HABP4: variants seen among roughly 807,000 people sequenced by gnomAD.
HABP4 encodes hyaluronan binding protein 4.
HABP4 carries 32 observed loss-of-function variants against 44.1 expected under a neutral mutation model. The observed-to-expected ratio is 0.73, with a 90% CI of 0.55 to 0.97. HABP4 has a LOEUF of 0.97. Ranked by LOEUF, HABP4 falls within the 50% of genes least tolerant of loss-of-function variation. HABP4 has a pLI of 0.00. For missense variants in HABP4, 503 were observed against 561.9 expected, an observed-to-expected ratio of 0.90 and a Z score of 1.06; for synonymous variants, 216 against 218.0, an observed-to-expected ratio of 0.99 and a Z score of 0.08.
Position 96,488,238 on chromosome 9 carries a change from G to C in HABP4, c.1149G>C (p.Arg383Ser), listed in dbSNP as rs1833011036. The C allele has an allele frequency of 6.2e-7, 1 of 1,613,876 alleles. No homozygotes were observed. The highest frequency in any genetic ancestry group is 8.5e-7 in the Non-Finnish European group (1 of 1,179,900). Residue 383 changes from arginine (R) to serine (S), a missense_variant, in exon 7 of 8, where the codon AGG (arginine) becomes AGC (serine). Arg to Ser is a moderately radical substitution (Grantham distance 110, BLOSUM62 -1). Around this residue, in one of 3 missense-constraint regions of HABP4, gnomAD observed 82 missense variants for 71.6 expected, o/e 1.15. Coordinates refer to ENST00000375249, the MANE Select transcript of HABP4 (RefSeq NM_014282.4). The surrounding 1 kb of genome is among the most constrained non-coding windows in gnomAD (Gnocchi z 4.6). ...CCCGGGGAGGCCGGGGAAGGATCAGGAGGGCAGAGAACTATGGACCCAGAG... is the reference window on the plus strand; with the variant it reads ...CCCGGGGAGGCCGGGGAAGGATCAGCAGGGCAGAGAACTATGGACCCAGAG... ...GGTRGGRGRI[R>S]RAENYGPRAE...
intron 1 of HABP4, among the ~76,000 whole-genome samples, chr9:96,451,745 A>G (rs957233591): frequency 6.6e-6 from 1 of 152,216 alleles, no homozygotes; most frequent in African/African-American, 2.4e-5. Context: ...ATGATTTTTA[A>G]AAAAATGTTA....
intron 5 of HABP4, among the ~76,000 whole-genome samples, chr9:96,472,457 T>TCCATTATGCCA (rs1832714314): frequency 6.6e-6 from 1 of 152,128 alleles, no homozygotes. Flanking sequence ...GTAATTATGA[T>TCCATTATGCCA]CCATTAGGTG....
intron 1 of HABP4, among the ~76,000 whole-genome samples, chr9:96,452,615 A>G (rs1160107432): frequency 1.3e-5 from 2 of 152,116 alleles, no homozygotes; most frequent in Admixed American, 1.3e-4. Flanking sequence ...AAATTTTATC[A>G]TTCAAGTTCT....
intron 2 of HABP4, 81 bp from the exon 3 acceptor site, chr9:96,465,256 A>G (rs1201398452): frequency 2.3e-6 from 2 of 860,324 alleles, no homozygotes; most frequent in African/African-American, 1.7e-5. Context: ...TACTATAACC[A>G]TGATTTTCTT....
chr9:96,466,345 G>A (rs552679510), intron 4 of HABP4, among the ~76,000 whole-genome samples: 6 of 152,164 alleles, frequency 3.9e-5, no homozygotes, highest in African/African-American at 7.2e-5. Context: ...TCTCCAGCCC[G>A]AGTGACAGAG....
chr9:96,485,648 T>C (rs1010091832), intron 6 of HABP4, among the ~76,000 whole-genome samples: 2 of 152,170 alleles, frequency 1.3e-5, no homozygotes, highest in Non-Finnish European at 2.9e-5. Context: ...CATATGTTGA[T>C]AGGGATGCCA....
intron 5 of HABP4, among the ~76,000 whole-genome samples, chr9:96,482,012 T>G (rs937504783): frequency 6.6e-6 from 1 of 151,768 alleles, no homozygotes; most frequent in East Asian, 1.9e-4. Flanking sequence ...CTCGGCTCAC[T>G]GCAACCTCCA....
At chr9:96,480,219 T>G (rs969941830) in intron 5 of HABP4, among the ~76,000 whole-genome samples, 3 of 152,108 alleles carry the variant, frequency 2.0e-5, no homozygotes, top group African/African-American at 7.2e-5. Flanking sequence ...ATCGGTGCTA[T>G]GCATATATAT....
intron 6 of HABP4, among the ~76,000 whole-genome samples, chr9:96,485,890 G>T (rs935286601): frequency 1.3e-5 from 2 of 152,048 alleles, no homozygotes; most frequent in South Asian, 2.1e-4. Context: ...TTTACACTTT[G>T]GTTAGTTTCA....
At chr9:96,459,888 A>C (rs1320019062) in intron 2 of HABP4, among the ~76,000 whole-genome samples, 1 of 152,218 alleles carries the variant, frequency 6.6e-6, no homozygotes, top group Non-Finnish European at 1.5e-5. Flanking sequence ...TGGAGGGAGA[A>C]ACTTACAGAA....
chr9:96,452,949 CT>C (rs1177903166), intron 1 of HABP4, among the ~76,000 whole-genome samples: 316 of 15,090 alleles, frequency 0.021, 2 homozygotes, highest in Non-Finnish European at 0.034. Context: ...GAGACAGAGT[CT>C]TTTTTTTTGA....
At position 96,490,129 on chromosome 9, in the gene HABP4, A is replaced by G. The variant is rs1383498135; in HGVS notation, c.*91A>G. ...GCCAAGGGAGTCAGACTCTAAGAAC[A>G]ATAGATGTTGCTTTTCCCGTGTCAT... On this transcript the variant is annotated 3_prime_UTR_variant, in exon 8 of 8. Transcript: ENST00000375249. 1 of 803,300 alleles carries G rather than the reference A, an allele frequency of 1.2e-6. No individual in the cohort carries two copies. Among genetic ancestry groups the G allele is most frequent in the African/African-American group, 1.7e-5 (1 of 58,802 alleles). The allele number at this position is 803,300 out of a possible 1,614,324, so 49.8% of individuals were successfully genotyped here. A position where few individuals can be genotyped will look rare whatever the true frequency, so the allele number is the denominator to read the frequency against.
At chr9:96,458,680 A>G (rs1187559459) in intron 2 of HABP4, 139 bp downstream of exon 2, 32 of 598,242 alleles carry the variant, frequency 5.3e-5, no homozygotes, top group Non-Finnish European at 7.7e-5. Flanking sequence ...CTGGAGTGCA[A>G]TGGTGCGATC....
At chr9:96,477,625 G>T (rs1379619755) in intron 5 of HABP4, among the ~76,000 whole-genome samples, 2 of 151,954 alleles carry the variant, frequency 1.3e-5, no homozygotes, top group African/African-American at 4.8e-5. Flanking sequence ...TTTTTAAAAA[G>T]ATAATTTATT....
chr9:96,456,294 T>A (rs1418740892), intron 1 of HABP4, among the ~76,000 whole-genome samples: 1 of 152,206 alleles, frequency 6.6e-6, no homozygotes, highest in African/African-American at 2.4e-5. Flanking sequence ...TTTATGTTAG[T>A]GATGTCATAA....
rs1206117344 is a variant in HABP4 at position 96,450,773 on chromosome 9, C to T, written c.349+145C>T. ...GCCGCCGAAGGTAGGAGGAGAGGGG[C>T]AGGGGTCACACCCCTTCCAGCTCTC... On this transcript the variant is annotated intron_variant, in intron 1 of 7. Transcript: ENST00000375249. This position sits in a 1 kb window ranked among gnomAD's most constrained non-coding sequence, Gnocchi z 4.8. 6 of 626,490 alleles carry T rather than the reference C, an allele frequency of 9.6e-6. No homozygotes were observed. Among genetic ancestry groups the T allele is most frequent in the Non-Finnish European group, 1.4e-5 (6 of 441,896 alleles). 38.8% of individuals were successfully genotyped at this position (626,490 alleles called of 1,614,324 possible).
chr9:96,471,678 G>T (rs1832700544), intron 5 of HABP4, among the ~76,000 whole-genome samples: 1 of 152,130 alleles, frequency 6.6e-6, no homozygotes, highest in Non-Finnish European at 1.5e-5. Context: ...CCTGACTCTT[G>T]TATGGACCTC....
At chr9:96,489,135 A>AGT (rs558199269) in intron 7 of HABP4, among the ~76,000 whole-genome samples, 76 of 152,210 alleles carry the variant, frequency 5.0e-4, no homozygotes, top group African/African-American at 1.7e-3. Flanking sequence ...CCCTGGAAGC[A>AGT]GTGTCTATGG....
chr9:96,466,274 G>GCAGAA (rs1564162599), intron 4 of HABP4, among the ~76,000 whole-genome samples: 1 of 152,170 alleles, frequency 6.6e-6, no homozygotes, highest in Non-Finnish European at 1.5e-5. Flanking sequence ...GGAGGCTGAG[G>GCAGAA]CAGAAGAATT....
Sources: gnomAD v4.1 joint callset for allele counts (sites outside exome capture counted in the v4.1 genomes callset) on GRCh38, gnomAD v4.1.1 for gene constraint, gnomAD v4.1.1 regional missense constraint, Gnocchi (gnomAD v3.1) non-coding constraint, MANE v1.5 for transcripts, NCBI Gene and HGNC (gene_info 2026-07-23, HGNC 2026-07-21) for gene names.